ADAMTS8: variants seen among roughly 807,000 people sequenced by gnomAD.
ADAMTS8 encodes the protein ADAM metallopeptidase with thrombospondin type 1 motif 8.
In ADAMTS8, 50 loss-of-function variants were observed where a neutral mutation model predicts 64.4. The observed-to-expected ratio is 0.78, with a 90% CI of 0.62 to 0.98. The LOEUF (loss-of-function observed/expected upper bound fraction) is 0.98. ADAMTS8 is among the 50% of genes least tolerant of loss of function. The pLI is 0.00. For missense variants in ADAMTS8, 1,192 were observed against 1,208.2 expected, an observed-to-expected ratio of 0.99 and a Z score of 0.20; for synonymous variants, 556 against 533.6, an observed-to-expected ratio of 1.04 and a Z score of -0.58.
chr11:130,415,641 C>T (rs58974754), intron 4 of ADAMTS8, among the ~76,000 whole-genome samples: 2,074 of 129,450 alleles, frequency 0.016, 57 homozygotes, highest in African/African-American at 0.055. Context: ...TAGCGTCTCT[C>T]TCTGTCACCC....
At chr11:130,407,232 G>C (rs1209527152) in intron 8 of ADAMTS8, among the ~76,000 whole-genome samples, 1 of 152,170 alleles carries the variant, frequency 6.6e-6, no homozygotes, top group Non-Finnish European at 1.5e-5. Flanking sequence ...GCTGGGTGTG[G>C]TGGTGCATGC....
intron 1 of ADAMTS8, among the ~76,000 whole-genome samples, chr11:130,426,416 C>T (rs769445552): frequency 6.6e-6 from 1 of 152,214 alleles, no homozygotes; most frequent in Non-Finnish European, 1.5e-5. Context: ...TATTGGGTCC[C>T]GGCCAAGGAT....
chr11:130,425,346 G>A (rs1232299339), intron 1 of ADAMTS8, among the ~76,000 whole-genome samples: 1 of 152,114 alleles, frequency 6.6e-6, no homozygotes, highest in African/African-American at 2.4e-5. Flanking sequence ...CTGGAGATGC[G>A]AGTATGTCCC....
chr11:130,426,276 TC>T lies in ADAMTS8; in HGVS notation c.720+1290del, dbSNP rs34815202. ...CCCTGGGTCTTTCCTACCCTGCCTT[TC>T]CCAGTGATAGAGGGTGGGAAAGATG... On this transcript the variant is annotated intron_variant, in intron 1 of 8. Transcript: ENST00000257359. Among the ~76,000 whole-genome samples, 1,551 of 152,280 alleles carry T rather than the reference TC, an allele frequency of 0.01. 37 individuals carry two copies. In the East Asian group the frequency reaches 0.11, roughly 11 times the overall value.
chr11:130,427,424 A>C, intron 1 of ADAMTS8, 143 bp downstream of exon 1: 2 of 1,004,208 alleles, frequency 2.0e-6, no homozygotes, highest in Non-Finnish European at 2.8e-6. Flanking sequence ...CGTTTGGGGT[A>C]AGGCTGGAGA....
intron 1 of ADAMTS8, among the ~76,000 whole-genome samples, chr11:130,422,555 T>A (rs1490575247): frequency 6.6e-6 from 1 of 152,174 alleles, no homozygotes; most frequent in Non-Finnish European, 1.5e-5. Flanking sequence ...CATTCCCTCT[T>A]CCTATCTGAC....
At chr11:130,417,184 C>G (rs1007421136) in intron 2 of ADAMTS8, 109 bp from the exon 3 acceptor site, 1 of 1,382,326 alleles carries the variant, frequency 7.2e-7, no homozygotes, top group Non-Finnish European at 1.0e-6. Context: ...GACCACTGAG[C>G]GTCCCATAAC....
Position 130,428,427 on chromosome 11 carries a change from G to T in ADAMTS8, c.-141C>A. 1 of 1,073,448 alleles carries T rather than the reference G, an allele frequency of 9.3e-7. No individual in the cohort carries two copies. The highest frequency in any genetic ancestry group is 3.5e-5 in the South Asian group (1 of 28,300). The allele number at this position is 1,073,448 out of a possible 1,614,324, so 66.5% of individuals were successfully genotyped here. On this transcript the variant is annotated 5_prime_UTR_variant, in exon 1 of 9. Transcript: ENST00000257359. ...GGTGCAAGGCCGACTCGGCCCGCGG[G>T]GCCCGGCGGCGGGAGCGCTCCCCCG...
intron 1 of ADAMTS8, among the ~76,000 whole-genome samples, chr11:130,425,598 T>A (rs1862153720): frequency 7.2e-6 from 1 of 139,320 alleles, no homozygotes. Flanking sequence ...GTGTTTTTCT[T>A]TTTTCTTTTT....
chr11:130,421,826 C>T (rs897615391), intron 1 of ADAMTS8, among the ~76,000 whole-genome samples: 11 of 152,146 alleles, frequency 7.2e-5, no homozygotes, highest in Admixed American at 2.0e-4. Flanking sequence ...ATCAGGCCTG[C>T]GGCTGGTCAA....
chr11:130,416,169 C>G lies in ADAMTS8; in HGVS notation c.1258G>C (p.Gly420Arg), dbSNP rs747113922. The change falls in exon 4 of 9, where the codon GGG becomes CGG. Residue 420 changes from glycine (G) to arginine (R), a missense_variant. Gly to Arg is a moderately radical substitution (Grantham distance 125). Around this residue, in one of 5 missense-constraint regions of ADAMTS8, gnomAD observed 741 missense variants for 710.6 expected, o/e 1.04. Coordinates refer to ENST00000257359, the MANE Select transcript of ADAMTS8 (RefSeq NM_007037.6). This position sits in a 1 kb window ranked among gnomAD's most constrained non-coding sequence, Gnocchi z 4.8. ...CGGGGCCGCCGGTGCCTACCGTGCC[C>G]GCCGTCCAGAAGCTCTGTGAGATAC... ...AMYLTELLDGGHGDCLLDAPA... is the reference protein window; with the variant it reads ...AMYLTELLDGRHGDCLLDAPA... The G allele has an allele frequency of 2.5e-6, 4 of 1,579,874 alleles. No homozygotes were observed. The highest frequency in any genetic ancestry group is 2.6e-6 in the Non-Finnish European group (3 of 1,161,438).
Position 130,417,087 on chromosome 11 carries a change from G to T in ADAMTS8, c.961-12C>A. ...TGCCCACAGAAGTTCTGCGTGGCGG[G>T]GAGAGAGCAAGAGAGTGCATCAGTG... On this transcript the variant is annotated splice_polypyrimidine_tract_variant and intron_variant, in intron 2 of 8. Transcript: ENST00000257359. 2 of 1,613,588 alleles carry T rather than the reference G, an allele frequency of 1.2e-6. No homozygotes were observed. The highest frequency in any genetic ancestry group is 8.5e-7 in the Non-Finnish European group (1 of 1,179,922).
At chr11:130,406,188 A>T in intron 8 of ADAMTS8, 60 bp from the exon 9 acceptor site, 5 of 1,549,324 alleles carry the variant, frequency 3.2e-6, no homozygotes, top group Non-Finnish European at 4.4e-6. Context: ...GGTCACGATG[A>T]TGCCTTGGAG....
At chr11:130,414,877 C>A in intron 4 of ADAMTS8, 45 bp from the exon 5 acceptor site, 1 of 1,518,954 alleles carries the variant, frequency 6.6e-7, no homozygotes, top group South Asian at 1.3e-5. Context: ...CACAGGGCTG[C>A]CGCCCTCTCA....
At chr11:130,409,414 C>T (rs1861925862) in intron 6 of ADAMTS8, among the ~76,000 whole-genome samples, 1 of 152,122 alleles carries the variant, frequency 6.6e-6, no homozygotes, top group Admixed American at 6.5e-5. Flanking sequence ...TTCTGGGTGT[C>T]CCTGGGGAGC....
chr11:130,416,918 G>C lies in ADAMTS8; in HGVS notation c.1096+22C>G, dbSNP rs892254766. ...AGTTCCCTCCGATGTGGTGAAGTGGGCTTTGGCACAGCAAATCTTACCTAG... is the reference window on the plus strand; with the variant it reads ...AGTTCCCTCCGATGTGGTGAAGTGGCCTTTGGCACAGCAAATCTTACCTAG... On this transcript the variant is annotated intron_variant, in intron 3 of 8. Coordinates refer to ENST00000257359, the MANE Select transcript of ADAMTS8 (RefSeq NM_007037.6). This position sits in a 1 kb window ranked among gnomAD's most constrained non-coding sequence, Gnocchi z 4.8. The C allele has an allele frequency of 2.4e-5, 38 of 1,613,892 alleles. No individual in the cohort carries two copies. The highest frequency in any genetic ancestry group is 3.2e-5 in the Non-Finnish European group (38 of 1,179,998).
In ADAMTS8 at chr11:130,428,498, C is replaced by A. The variant is rs1310307244; in HGVS notation, c.-212G>T. ...AGCCCGCTCCTCCCGCGCCGCCGCC[C>A]CCGAGCCGAGCGCGAGCAGCTGGCC... On this transcript the variant is annotated 5_prime_UTR_variant, in exon 1 of 9. Transcript: ENST00000257359. 10 of 967,106 alleles carry A rather than the reference C, an allele frequency of 1.0e-5. No individual in the cohort carries two copies. The Admixed American group carries it at 6.2e-4, about 60-fold the overall frequency. 59.9% of individuals were successfully genotyped at this position (967,106 alleles called of 1,614,324 possible).
At chr11:130,419,515 G>A (rs1262335695) in intron 1 of ADAMTS8, among the ~76,000 whole-genome samples, 2 of 152,212 alleles carry the variant, frequency 1.3e-5, no homozygotes, top group Non-Finnish European at 2.9e-5. Context: ...ATGAACAGTG[G>A]TCTTTGAACC....
At chr11:130,425,661 C>G (rs377366671) in intron 1 of ADAMTS8, among the ~76,000 whole-genome samples, 1 of 149,680 alleles carries the variant, frequency 6.7e-6, no homozygotes. Context: ...AGTGCAGTGG[C>G]GCGGTCTCCG....
Sources: allele counts gnomAD v4.1 joint callset (sites outside exome capture counted in the v4.1 genomes callset), GRCh38; gene constraint gnomAD v4.1.1; regional missense constraint gnomAD v4.1.1; non-coding constraint Gnocchi (gnomAD v3.1); transcripts MANE v1.5; gene names NCBI Gene and HGNC (gene_info 2026-07-23, HGNC 2026-07-21).